Variants in TSPEAR observed in about 807,000 individuals in gnomAD.
The protein encoded by TSPEAR is thrombospondin-type laminin G domain and EAR repeat-containing protein.
TSPEAR carries 69 observed loss-of-function variants against 71.6 expected under a neutral mutation model. The observed-to-expected ratio is 0.96, with a 90% CI of 0.79 to 1.18. TSPEAR has a LOEUF of 1.18. Ranked by LOEUF, TSPEAR falls within the 50% of genes most tolerant of loss-of-function variation. TSPEAR has a pLI of 0.00. For missense variants in TSPEAR, 971 were observed against 894.9 expected (o/e 1.09, Z -1.09); for synonymous variants, 402 against 387.2 (o/e 1.04, Z -0.45).
At position 44,698,127 on chromosome 21, in the gene TSPEAR, C is replaced by T. The variant is rs958599429; in HGVS notation, c.82+13306G>A. On this transcript the variant is annotated intron_variant, in intron 1 of 11. Coordinates refer to ENST00000323084, the MANE Select transcript of TSPEAR (RefSeq NM_144991.3). ...GGGCTCCTGCTAAGCTCCAGATGAC[C>T]CTGCCTCCACCCACTCCCCCGGCTC... 28 of 698,236 alleles carry T rather than the reference C, an allele frequency of 4.0e-5. No individual in the cohort carries two copies. In the Admixed American group the frequency reaches 7.6e-4, roughly 19 times the overall value. The allele number at this position is 698,236 out of a possible 1,614,324, so 43.3% of individuals were successfully genotyped here. A position where few individuals can be genotyped will look rare whatever the true frequency, so the allele number is the denominator to read the frequency against.
intron 6 of TSPEAR, 60 bp downstream of exon 6, chr21:44,528,392 C>T (rs1555915224): frequency 1.2e-6 from 2 of 1,607,206 alleles, no homozygotes; most frequent in South Asian, 1.1e-5. Context: ...CCTCCACTCC[C>T]AGTCACACTG....
At chr21:44,643,265 GT>G (rs1314406416) in intron 1 of TSPEAR, among the ~76,000 whole-genome samples, 6 of 152,206 alleles carry the variant, frequency 3.9e-5, no homozygotes, top group Admixed American at 3.9e-4. Flanking sequence ...GGTGCAGGGA[GT>G]GGGGACATGT....
intron 1 of TSPEAR, among the ~76,000 whole-genome samples, chr21:44,585,893 T>C (rs2146111006): frequency 6.6e-6 from 1 of 152,362 alleles, no homozygotes; most frequent in East Asian, 1.9e-4. Flanking sequence ...GGGTCTAAAC[T>C]GTTTGGCTTT....
chr21:44,591,204 G>A, intron 1 of TSPEAR: 3 of 1,288,634 alleles, frequency 2.3e-6, no homozygotes, highest in Non-Finnish European at 3.1e-6. Flanking sequence ...TTGGGTCTGG[G>A]GGAGTAGCTG....
chr21:44,518,771 G>A (rs1186626987), intron 9 of TSPEAR: 3 of 451,146 alleles, frequency 6.6e-6, no homozygotes, highest in South Asian at 3.2e-5. Flanking sequence ...GTGTGATAAC[G>A]TTTCAAATCC....
intron 9 of TSPEAR, among the ~76,000 whole-genome samples, chr21:44,509,615 G>A (rs1339818871): frequency 1.3e-5 from 2 of 152,038 alleles, no homozygotes; most frequent in Admixed American, 6.5e-5. Context: ...CACTCTCCCT[G>A]GCTGTCCCCA....
At chr21:44,666,588 C>T (rs375768219) in intron 1 of TSPEAR, 10 of 1,612,714 alleles carry the variant, frequency 6.2e-6, no homozygotes, top group Non-Finnish European at 8.5e-6. Context: ...GGAGGACTGG[C>T]AGGAGGGGGC....
At chr21:44,540,379 G>T (rs1445874839) in intron 2 of TSPEAR, among the ~76,000 whole-genome samples, 2 of 152,134 alleles carry the variant, frequency 1.3e-5, no homozygotes, top group Non-Finnish European at 2.9e-5. Flanking sequence ...TGTGGCCCAG[G>T]TCATAAATCT....
intron 1 of TSPEAR, among the ~76,000 whole-genome samples, chr21:44,603,716 G>A (rs1274640865): frequency 1.3e-5 from 2 of 152,220 alleles, no homozygotes; most frequent in South Asian, 2.1e-4. Flanking sequence ...ATTCTCAGCC[G>A]CACCACAGAA....
At chr21:44,613,657 C>T (rs1280774553) in intron 1 of TSPEAR, among the ~76,000 whole-genome samples, 12 of 152,250 alleles carry the variant, frequency 7.9e-5, no homozygotes, top group Admixed American at 2.0e-4. Flanking sequence ...GCGCAGGAGA[C>T]AAGGGACTCG....
chr21:44,545,403 C>CTGTT (rs1555917664), intron 2 of TSPEAR, among the ~76,000 whole-genome samples: 4 of 151,898 alleles, frequency 2.6e-5, no homozygotes, highest in Non-Finnish European at 5.9e-5. Context: ...GAAGAACCCC[C>CTGTT]TAAACAGGTC....
At chr21:44,524,490 G>C (rs960842454) in intron 8 of TSPEAR, among the ~76,000 whole-genome samples, 6 of 151,964 alleles carry the variant, frequency 3.9e-5, no homozygotes, top group Non-Finnish European at 7.4e-5. Context: ...CAGTCAGGTA[G>C]TTAGTCAGGT....
rs117057031 is a variant in TSPEAR at position 44,537,242 on chromosome 21, T to C, written c.304-3319A>G. Among the ~76,000 whole-genome samples, 970 of 151,904 alleles carry C rather than the reference T, an allele frequency of 6.4e-3. 10 individuals carry two copies. The highest frequency in any genetic ancestry group is 0.011 in the Non-Finnish European group (720 of 68,014). On this transcript the variant is annotated intron_variant, in intron 2 of 11. Coordinates refer to ENST00000323084, the MANE Select transcript of TSPEAR (RefSeq NM_144991.3). ...AGATAGTGGCACCTTCCTTAGGAGCTGTTAGTTTCCTCCTACATATTTAAA... is the reference window on the plus strand; with the variant it reads ...AGATAGTGGCACCTTCCTTAGGAGCCGTTAGTTTCCTCCTACATATTTAAA...
At chr21:44,615,493 A>C (rs1555932228) in intron 1 of TSPEAR, among the ~76,000 whole-genome samples, 1 of 152,132 alleles carries the variant, frequency 6.6e-6, no homozygotes, top group African/African-American at 2.4e-5. Flanking sequence ...GGAATTAATG[A>C]CAGCGGGGAT....
At chr21:44,649,347 C>G (rs1296815108) in intron 1 of TSPEAR, among the ~76,000 whole-genome samples, 1 of 152,190 alleles carries the variant, frequency 6.6e-6, no homozygotes, top group African/African-American at 2.4e-5. Context: ...ACCTCACATG[C>G]TCATCAATAC....
In TSPEAR at chr21:44,509,190, G is replaced by A. The variant is rs1362414686; in HGVS notation, c.1754+9C>T. The A allele has an allele frequency of 2.5e-6, 4 of 1,612,334 alleles. No homozygotes were observed. The highest frequency in any genetic ancestry group is 3.4e-6 in the Non-Finnish European group (4 of 1,178,792). ...AGCCCACCTCCCACTGGCCTGTGGAGGCGCATACCTGCAGGTGAGAATGTC... is the reference window on the plus strand; with the variant it reads ...AGCCCACCTCCCACTGGCCTGTGGAAGCGCATACCTGCAGGTGAGAATGTC... On this transcript the variant is annotated intron_variant, in intron 10 of 11. Coordinates refer to ENST00000323084, the MANE Select transcript of TSPEAR (RefSeq NM_144991.3).
chr21:44,539,368 G>A (rs782250043), intron 2 of TSPEAR: 2 of 1,612,916 alleles, frequency 1.2e-6, no homozygotes, highest in Admixed American at 3.3e-5. Context: ...GGCGGCAGCA[G>A]CTGGCCTGGC....
intron 2 of TSPEAR, among the ~76,000 whole-genome samples, chr21:44,537,593 T>C (rs1035541245): frequency 3.9e-5 from 6 of 152,156 alleles, no homozygotes; most frequent in Admixed American, 2.6e-4. Flanking sequence ...CAGTTGGCTA[T>C]TGGTGGAAGA....
In TSPEAR at chr21:44,584,226, T is replaced by C. The variant is rs1450736292; in HGVS notation, c.83-16221A>G. 2.0e-5 allele frequency among the ~76,000 whole-genome samples: 3 copies of C among 152,210 alleles called. No individual in the cohort carries two copies. The South Asian group carries it at 6.2e-4, about 32-fold the overall frequency. On this transcript the variant is annotated intron_variant, in intron 1 of 11. Transcript: ENST00000323084. ...GCCTGGGTCACTTCACCTAGCATAG[T>C]GTGTGCAGGTTCATCCATGTTGCCA...
Sources: gnomAD v4.1 joint callset for allele counts (sites outside exome capture counted in the v4.1 genomes callset) on GRCh38, gnomAD v4.1.1 for gene constraint, MANE v1.5 for transcripts, NCBI Gene and HGNC (gene_info 2026-07-23, HGNC 2026-07-21) for gene names.